Variants in THADA observed in about 807,000 individuals in gnomAD.
The protein encoded by THADA is THADA armadillo repeat containing.
A neutral mutation model predicts 219.8 loss-of-function variants in THADA; 213 were observed. That is an observed-to-expected ratio of 0.97 (90% CI 0.87 to 1.09). The LOEUF (loss-of-function observed/expected upper bound fraction) is 1.09. Ranked by LOEUF, THADA falls within the 50% of genes least tolerant of loss-of-function variation. The pLI, the probability that THADA is intolerant of heterozygous loss-of-function variation, is 0.00. For missense variants in THADA, 2,956 were observed against 2,311.3 expected (o/e 1.28, Z -5.72); for synonymous variants, 1,018 against 828.9 (o/e 1.23, Z -3.92).
chr2:43,386,789 C>T (rs1032954287), intron 29 of THADA, among the ~76,000 whole-genome samples: 3 of 150,344 alleles, frequency 2.0e-5, no homozygotes, highest in Admixed American at 6.7e-5. Context: ...TCCAGCTACT[C>T]GGGAGGCTGA....
At chr2:43,575,696 C>G (rs1376296562) in intron 10 of THADA, among the ~76,000 whole-genome samples, 2 of 152,114 alleles carry the variant, frequency 1.3e-5, no homozygotes, top group Non-Finnish European at 2.9e-5. Context: ...GCCCCCATGC[C>G]TAGATAATTT....
chr2:43,333,579 A>G (rs1666044830), intron 30 of THADA, among the ~76,000 whole-genome samples: 1 of 152,182 alleles, frequency 6.6e-6, no homozygotes, highest in East Asian at 1.9e-4. Flanking sequence ...AAAAGAAACA[A>G]ACCAAAAGGC....
intron 35 of THADA, among the ~76,000 whole-genome samples, chr2:43,286,482 T>C (rs761600128): frequency 6.6e-5 from 10 of 152,198 alleles, no homozygotes; most frequent in Non-Finnish European, 1.2e-4. Context: ...GGCTCACACC[T>C]GTAATCCCAG....
Position 43,479,660 on chromosome 2 carries a change from T to C in THADA, c.3836+5574A>G, listed in dbSNP as rs908278169. On this transcript the variant is annotated intron_variant, in intron 26 of 37. Transcript: ENST00000405975. ...CTTGCTAGCAACACTGATATCCTTA[T>C]TGGGGTAATTTCATTCATTCTCTAC... 1.3e-5 allele frequency among the ~76,000 whole-genome samples: 2 copies of C among 152,060 alleles called. 1 individual carries two copies. Among genetic ancestry groups the C allele is most frequent in the Admixed American group, 1.3e-4 (2 of 15,268 alleles).
At chr2:43,548,853 C>T (rs917278000) in intron 20 of THADA, among the ~76,000 whole-genome samples, 1 of 152,212 alleles carries the variant, frequency 6.6e-6, no homozygotes, top group Non-Finnish European at 1.5e-5. Context: ...TGCTTCGGCT[C>T]GCGCATGGTG....
chr2:43,444,508 G>A (rs1681266007), intron 26 of THADA, among the ~76,000 whole-genome samples: 1 of 152,164 alleles, frequency 6.6e-6, no homozygotes, highest in Non-Finnish European at 1.5e-5. Context: ...TAGAGCATCT[G>A]AGCTTTGGCC....
intron 29 of THADA, among the ~76,000 whole-genome samples, chr2:43,357,984 C>T (rs1331522391): frequency 1.3e-5 from 2 of 152,022 alleles, no homozygotes; most frequent in African/African-American, 4.8e-5. Flanking sequence ...CAGCTTCCTC[C>T]AATGGTGATA....
At chr2:43,461,336 G>A (rs1441885539) in intron 26 of THADA, among the ~76,000 whole-genome samples, 1 of 152,142 alleles carries the variant, frequency 6.6e-6, no homozygotes, top group East Asian at 1.9e-4. Flanking sequence ...CTAAGTTTTA[G>A]ATCATTCAGT....
rs1205281292 is a variant in THADA at position 43,360,334 on chromosome 2, T to C, written c.4228-16097A>G. 2.0e-5 allele frequency among the ~76,000 whole-genome samples: 3 copies of C among 152,368 alleles called. No individual in the cohort carries two copies. In the East Asian group the frequency reaches 5.8e-4, roughly 29 times the overall value. On this transcript the variant is annotated intron_variant, in intron 29 of 37. Coordinates refer to ENST00000405975, the MANE Select transcript of THADA (RefSeq NM_022065.5). ...TTTGAAATTTAAGGCAATTACCATG[T>C]GGGCTGAGATAAACAGTACTTGTAA...
At chr2:43,544,612 T>G (rs1376110849) in intron 20 of THADA, among the ~76,000 whole-genome samples, 3 of 151,586 alleles carry the variant, frequency 2.0e-5, no homozygotes, top group Non-Finnish European at 4.4e-5. Flanking sequence ...GTTGGATTCC[T>G]AGGTATTTTA....
At chr2:43,473,294 G>C (rs1006669800) in intron 26 of THADA, among the ~76,000 whole-genome samples, 1 of 151,748 alleles carries the variant, frequency 6.6e-6, no homozygotes, top group Non-Finnish European at 1.5e-5. Flanking sequence ...TTTTAAACTT[G>C]TTTGTTAAAA....
At chr2:43,591,359 A>C (rs947313729) in intron 3 of THADA, among the ~76,000 whole-genome samples, 1 of 152,120 alleles carries the variant, frequency 6.6e-6, no homozygotes, top group Non-Finnish European at 1.5e-5. Flanking sequence ...CAATTACGTG[A>C]AATGTTTTCC....
intron 14 of THADA, among the ~76,000 whole-genome samples, chr2:43,567,752 T>C (rs1296194394): frequency 6.6e-6 from 1 of 152,244 alleles, no homozygotes; most frequent in Non-Finnish European, 1.5e-5. Flanking sequence ...CACATTTCTA[T>C]GGTTGGATCC....
intron 36 of THADA, among the ~76,000 whole-genome samples, chr2:43,274,932 T>C (rs1672542981): frequency 6.6e-6 from 1 of 151,970 alleles, no homozygotes; most frequent in Non-Finnish European, 1.5e-5. Flanking sequence ...AATTCCTTGC[T>C]CAGTGCCTTC....
chr2:43,494,864 G>A (rs746533902), intron 25 of THADA, among the ~76,000 whole-genome samples: 1 of 152,122 alleles, frequency 6.6e-6, no homozygotes, highest in Non-Finnish European at 1.5e-5. Context: ...GTTTCAATAC[G>A]AAAGACTAAG....
At chr2:43,422,454 GAATAATGTGGGTTTAGGCTAACC>G (rs1401253307) in intron 28 of THADA, among the ~76,000 whole-genome samples, 24 of 152,232 alleles carry the variant, frequency 1.6e-4, no homozygotes, top group African/African-American at 5.5e-4. Flanking sequence ...ATAATAAGGA[GAATAATGTGGGTTTAGGCTAACC>G]AACAGAGTTC....
At chr2:43,465,742 T>G (rs1055287020) in intron 26 of THADA, among the ~76,000 whole-genome samples, 4 of 152,178 alleles carry the variant, frequency 2.6e-5, no homozygotes, top group Non-Finnish European at 4.4e-5. Context: ...TACGGATGAC[T>G]CCTTCATCTG....
rs138338066 is a variant in THADA at position 43,453,477 on chromosome 2, T to C, written c.3837-23175A>G. On this transcript the variant is annotated intron_variant, in intron 26 of 37. Transcript: ENST00000405975. Reference sequence around the variant, plus strand: ...TGAGAGCTAGAAAACTAATCTGGAATAAGTATAACTCATTATTGCTATTAT... The same window carrying C: ...TGAGAGCTAGAAAACTAATCTGGAACAAGTATAACTCATTATTGCTATTAT... Among the ~76,000 whole-genome samples the C allele has an allele frequency of 1.1e-4, 17 of 152,350 alleles. No homozygotes were observed. The East Asian group carries it at 3.3e-3, about 29-fold the overall frequency.
chr2:43,493,196 T>C (rs1450904044), intron 25 of THADA, among the ~76,000 whole-genome samples: 1 of 152,116 alleles, frequency 6.6e-6, no homozygotes, highest in Non-Finnish European at 1.5e-5. Context: ...AAGCTAAATA[T>C]ACACCAGATA....
Sources: allele counts gnomAD v4.1 joint callset (sites outside exome capture counted in the v4.1 genomes callset), GRCh38; gene constraint gnomAD v4.1.1; transcripts MANE v1.5; gene names NCBI Gene and HGNC (gene_info 2026-07-23, HGNC 2026-07-21).